ADAMTS17: variants seen among roughly 807,000 people sequenced by gnomAD.
ADAMTS17 encodes the protein ADAM metallopeptidase with thrombospondin type 1 motif 17.
A neutral mutation model predicts 141.5 loss-of-function variants in ADAMTS17; 113 were observed. The ratio of observed to expected loss-of-function variants is 0.80; its 90% CI spans 0.69 to 0.93. The LOEUF (loss-of-function observed/expected upper bound fraction) is 0.93. Among genes scored for constraint, ADAMTS17 ranks in the 40% least tolerant of loss-of-function variants. The probability of loss-of-function intolerance (pLI) is 0.00; values close to 1 mark genes in which losing one functional copy is unlikely to be tolerated. For missense variants in ADAMTS17, 1,659 were observed against 1,517.9 expected (o/e 1.09, Z -1.54); for synonymous variants, 768 against 630.6 (o/e 1.22, Z -3.27).
intron 8 of ADAMTS17, among the ~76,000 whole-genome samples, chr15:100,190,991 C>T (rs546899059): frequency 1.1e-3 from 170 of 152,278 alleles, no homozygotes; most frequent in African/African-American, 4.1e-3. Context: ...TGCAAAATGT[C>T]GACTCTGGAC....
At chr15:100,115,304 G>C (rs1204737543) in intron 13 of ADAMTS17, among the ~76,000 whole-genome samples, 2 of 152,194 alleles carry the variant, frequency 1.3e-5, no homozygotes, top group South Asian at 4.1e-4. Context: ...GGCTCCAGCC[G>C]CACACGTTCC....
At chr15:100,081,111 G>A (rs908158249) in intron 15 of ADAMTS17, among the ~76,000 whole-genome samples, 37 of 152,170 alleles carry the variant, frequency 2.4e-4, no homozygotes, top group Non-Finnish European at 5.1e-4. Context: ...CCTTAATCTG[G>A]TGGGCACAAT....
chr15:100,205,880 T>A (rs8039397), intron 7 of ADAMTS17, among the ~76,000 whole-genome samples: 17 of 152,026 alleles, frequency 1.1e-4, no homozygotes, highest in Admixed American at 4.6e-4. Context: ...GGCGCCGCGG[T>A]CTCTGAAAGA....
At chr15:100,143,280 C>T (rs2038744670) in intron 10 of ADAMTS17, among the ~76,000 whole-genome samples, 1 of 152,182 alleles carries the variant, frequency 6.6e-6, no homozygotes, top group African/African-American at 2.4e-5. Flanking sequence ...ACAGCGCCTG[C>T]ATTGGGCTTT....
At chr15:100,132,473 G>A (rs531105421) in intron 11 of ADAMTS17, among the ~76,000 whole-genome samples, 65 of 152,336 alleles carry the variant, frequency 4.3e-4, no homozygotes, top group South Asian at 2.1e-3. Flanking sequence ...TTTGTTTGAC[G>A]TGAGTGCGTT....
intron 18 of ADAMTS17, among the ~76,000 whole-genome samples, chr15:100,018,172 CCTT>C (rs1157773973): frequency 2.1e-5 from 3 of 143,012 alleles, no homozygotes; most frequent in Admixed American, 6.6e-5. Context: ...ACAGTATTGT[CCTT>C]CTGTGACGGG....
chr15:100,043,714 C>A (rs536911040), intron 18 of ADAMTS17, among the ~76,000 whole-genome samples: 141 of 152,338 alleles, frequency 9.3e-4, no homozygotes, highest in African/African-American at 3.2e-3. Context: ...CCTGCGAAGG[C>A]AAAAATATTT....
intron 7 of ADAMTS17, among the ~76,000 whole-genome samples, chr15:100,223,749 T>C (rs2042212105): frequency 6.7e-6 from 1 of 148,678 alleles, no homozygotes; most frequent in Non-Finnish European, 1.5e-5. Flanking sequence ...TATGTGTATA[T>C]ATATATACAC....
intron 3 of ADAMTS17, among the ~76,000 whole-genome samples, chr15:100,296,927 G>A (rs530292480): frequency 7.2e-5 from 11 of 152,342 alleles, no homozygotes; most frequent in East Asian, 1.9e-4. Context: ...CATCTAGAAG[G>A]AGCAGACATT....
chr15:100,110,653 C>T (rs2141109811), intron 13 of ADAMTS17, among the ~76,000 whole-genome samples: 1 of 152,298 alleles, frequency 6.6e-6, no homozygotes, highest in East Asian at 1.9e-4. Flanking sequence ...TTTCTCCTCT[C>T]TCTCTCTGTC....
intron 20 of ADAMTS17, chr15:99,980,575 C>G (rs1453940005): frequency 6.6e-6 from 1 of 152,330 alleles, no homozygotes; most frequent in Non-Finnish European, 1.5e-5. Context: ...CCTCACTCCC[C>G]TGCATCTCCT....
rs536316265 is a variant in ADAMTS17 at position 100,194,122 on chromosome 15, G to A, written c.1181+5196C>T. Reference sequence around the variant, plus strand: ...CTCTTCGTTTTTCTGAGTGGGTGGCGGATAGTTCACAAAGCAGACTCCCTC... The same window carrying A: ...CTCTTCGTTTTTCTGAGTGGGTGGCAGATAGTTCACAAAGCAGACTCCCTC... On this transcript the variant is annotated intron_variant, in intron 8 of 21. Transcript: ENST00000268070. Among the ~76,000 whole-genome samples the A allele has an allele frequency of 2.2e-4, 34 of 152,246 alleles. No individual in the cohort carries two copies. The South Asian group carries it at 5.0e-3, about 22-fold the overall frequency.
chr15:100,314,751 A>T (rs2045508830), intron 3 of ADAMTS17, among the ~76,000 whole-genome samples: 1 of 152,208 alleles, frequency 6.6e-6, no homozygotes. Context: ...AGAAACACCA[A>T]GTTATTGGGA....
chr15:100,153,005 G>C (rs146448623), intron 9 of ADAMTS17, among the ~76,000 whole-genome samples: 3,252 of 38,528 alleles, frequency 0.084, 121 homozygotes, highest in Admixed American at 0.27. Context: ...CTCGGGAGGG[G>C]CATAGGAACG....
Position 100,051,582 on chromosome 15 carries a change from C to T in ADAMTS17, c.2445G>A (p.Gln815=). The change falls in exon 17 of 22, where the codon CAG becomes CAA. Residue 815 remains glutamine (Q), a synonymous_variant. Coordinates refer to ENST00000268070, the MANE Select transcript of ADAMTS17 (RefSeq NM_139057.4). The part of the protein sequence containing the change: ...THSGWEGCSV[Q]CGGGERRTIV... ...ACCACGGCCACTCACCTCCGCCGCA[C>T]TGCACACTGCACCCTTCCCAGCCGC... 1 of 1,613,748 alleles carries T rather than the reference C, an allele frequency of 6.2e-7. No homozygotes were observed. Among genetic ancestry groups the T allele is most frequent in the African/African-American group, 1.3e-5 (1 of 75,042 alleles).
chr15:100,167,474 G>C (rs1596166820), intron 8 of ADAMTS17, among the ~76,000 whole-genome samples: 1 of 152,126 alleles, frequency 6.6e-6, no homozygotes, highest in African/African-American at 2.4e-5. Flanking sequence ...CAATTCCAGG[G>C]CTGCTGTGGA....
At chr15:100,031,197 GC>G (rs773412151) in intron 18 of ADAMTS17, among the ~76,000 whole-genome samples, 15 of 152,212 alleles carry the variant, frequency 9.9e-5, no homozygotes, top group Non-Finnish European at 2.1e-4. Flanking sequence ...ACCATGTGAA[GC>G]TGCCCCTGGG....
At position 100,186,571 on chromosome 15, in the gene ADAMTS17, C is replaced by G. The variant is rs57096557; in HGVS notation, c.1181+12747G>C. Among the ~76,000 whole-genome samples, 1,428 of 152,316 alleles carry G rather than the reference C, an allele frequency of 9.4e-3. 27 individuals are homozygous for G. The highest frequency in any genetic ancestry group is 0.033 in the African/African-American group (1,386 of 41,578). On this transcript the variant is annotated intron_variant, in intron 8 of 21. Transcript: ENST00000268070. ...CCAGGTCATGACTACAGCAGTCAAACAAGCAGTGATTCCAGCGCCCGGGGC... is the reference window on the plus strand; with the variant it reads ...CCAGGTCATGACTACAGCAGTCAAAGAAGCAGTGATTCCAGCGCCCGGGGC...
Position 100,335,110 on chromosome 15 carries a change from T to C in ADAMTS17, c.451-4056A>G, listed in dbSNP as rs141931710. ...GGGGGAACTTGTGAGAAATGCAAGCTCTCAGGCCCACCCCAGACCTGCTAC... is the reference window on the plus strand; with the variant it reads ...GGGGGAACTTGTGAGAAATGCAAGCCCTCAGGCCCACCCCAGACCTGCTAC... On this transcript the variant is annotated intron_variant, in intron 2 of 21. Coordinates refer to ENST00000268070, the MANE Select transcript of ADAMTS17 (RefSeq NM_139057.4). Among the ~76,000 whole-genome samples the C allele has an allele frequency of 3.7e-3, 556 of 152,126 alleles. 3 individuals carry two copies. Among genetic ancestry groups the C allele is most frequent in the African/African-American group, 0.013 (527 of 41,492 alleles).
Sources: allele counts gnomAD v4.1 joint callset (sites outside exome capture counted in the v4.1 genomes callset), GRCh38; gene constraint gnomAD v4.1.1; transcripts MANE v1.5; gene names NCBI Gene and HGNC (gene_info 2026-07-23, HGNC 2026-07-21).